The following TNIK variants were observed in gnomAD, a reference collection of about 807,000 sequenced individuals.
The protein encoded by TNIK is TRAF2 and NCK-interacting protein kinase.
Under a neutral mutation model 191.3 loss-of-function variants are expected in TNIK, and 49 were observed. That is an observed-to-expected ratio of 0.26 (90% confidence interval 0.20 to 0.32). The LOEUF (loss-of-function observed/expected upper bound fraction) is 0.32, where lower values mean the gene tolerates loss of function less well. TNIK is among the 10% of genes least tolerant of loss of function. The pLI, the probability that TNIK is intolerant of heterozygous loss-of-function variation, is 1.00. For missense variants in TNIK, 1,155 were observed against 1,702.3 expected, an observed-to-expected ratio of 0.68 and a Z score of 5.66; for synonymous variants, 594 against 600.9, an observed-to-expected ratio of 0.99 and a Z score of 0.17.
rs1166632926 is a variant in TNIK at position 171,061,824 on chromosome 3, A to G, written c.*2057T>C. 1 of 152,232 alleles carries G rather than the reference A, an allele frequency of 6.6e-6. No homozygotes were observed. The highest frequency in any genetic ancestry group is 1.5e-5 in the Non-Finnish European group (1 of 68,034). The allele number at this position is 152,232 out of a possible 1,614,324, so 9.4% of individuals were successfully genotyped here. A position where few individuals can be genotyped will look rare whatever the true frequency, so the allele number is the denominator to read the frequency against. ...TTTGTGGCATGGAATTTGAGAAGAT[A>G]GTATTGTTCAGCAGCACAACCACAG... is the stretch of plus-strand genomic sequence containing the variant. On this transcript the variant is annotated 3_prime_UTR_variant, in exon 33 of 33. Coordinates refer to ENST00000436636, the MANE Select transcript of TNIK (RefSeq NM_015028.4).
intron 16 of TNIK, among the ~76,000 whole-genome samples, chr3:171,126,780 T>C (rs1330932719): frequency 6.6e-6 from 1 of 152,258 alleles, no homozygotes; most frequent in Non-Finnish European, 1.5e-5. Flanking sequence ...TCTTACCATC[T>C]ATGCTGTCGT....
At chr3:171,089,211 G>A (rs1576775071) in intron 23 of TNIK, among the ~76,000 whole-genome samples, 2 of 152,286 alleles carry the variant, frequency 1.3e-5, no homozygotes, top group Admixed American at 6.5e-5. Context: ...TCCTGGAGAG[G>A]AACATTTTCT....
At chr3:171,393,660 T>C (rs943159022) in intron 1 of TNIK, among the ~76,000 whole-genome samples, 5 of 152,244 alleles carry the variant, frequency 3.3e-5, no homozygotes, top group Admixed American at 3.3e-4. Context: ...CCAAAATTCT[T>C]GCTATCAAGA....
intron 16 of TNIK, 118 bp downstream of exon 16, chr3:171,128,596 A>G (rs965907451): frequency 3.1e-6 from 4 of 1,279,076 alleles, no homozygotes; most frequent in African/African-American, 1.5e-5. Context: ...TAAATTCTAT[A>G]TTAAGGGTCA....
In TNIK at chr3:171,065,880, T is replaced by C. The variant is rs114620038; in HGVS notation, c.3999+307A>G. On this transcript the variant is annotated intron_variant, in intron 32 of 32. Transcript: ENST00000436636. ...AGTTGACCCACTGTGAGATGATTAA[T>C]GATGGGCCAACTGCTCTAAGTGCTT... 4.1e-3 allele frequency among the ~76,000 whole-genome samples: 619 copies of C among 152,342 alleles called. 9 individuals carry two copies. The highest frequency in any genetic ancestry group is 0.014 in the African/African-American group (587 of 41,584).
At chr3:171,444,748 C>G (rs1348481696) in intron 1 of TNIK, among the ~76,000 whole-genome samples, 2 of 152,112 alleles carry the variant, frequency 1.3e-5, no homozygotes, top group African/African-American at 4.8e-5. Flanking sequence ...AGAATGTGTA[C>G]TGTCCACAAT....
chr3:171,280,462 T>C (rs1469339913), intron 2 of TNIK, among the ~76,000 whole-genome samples: 3 of 152,208 alleles, frequency 2.0e-5, no homozygotes, highest in Non-Finnish European at 4.4e-5. Flanking sequence ...AGACAATATT[T>C]ACAGCTCATA....
At chr3:171,268,193 C>T (rs771199576) in intron 2 of TNIK, among the ~76,000 whole-genome samples, 24 of 152,178 alleles carry the variant, frequency 1.6e-4, no homozygotes, top group South Asian at 4.1e-4. Flanking sequence ...TCTTCTAAAT[C>T]CTCTTCCCAA....
At chr3:171,210,334 A>G (rs1473649468) in intron 4 of TNIK, among the ~76,000 whole-genome samples, 1 of 152,228 alleles carries the variant, frequency 6.6e-6, no homozygotes, top group Non-Finnish European at 1.5e-5. Flanking sequence ...CAGCATTATA[A>G]TCTTGCTGAA....
chr3:171,411,719 C>T (rs1035446783), intron 1 of TNIK, among the ~76,000 whole-genome samples: 1 of 152,176 alleles, frequency 6.6e-6, no homozygotes, highest in Non-Finnish European at 1.5e-5. Context: ...GAAATCAATA[C>T]TACTAGTACC....
intron 31 of TNIK, 111 bp from the exon 32 acceptor site, chr3:171,066,437 CA>C: frequency 6.6e-7 from 1 of 1,508,556 alleles, no homozygotes. Flanking sequence ...GATAAATGGA[CA>C]AAGCAAGTCT....
At chr3:171,122,347 G>A (rs930278568) in intron 18 of TNIK, among the ~76,000 whole-genome samples, 7 of 152,174 alleles carry the variant, frequency 4.6e-5, no homozygotes, top group South Asian at 2.1e-4. Context: ...TCAGGCTGGC[G>A]ATCCAGCACT....
chr3:171,279,794 G>T (rs920369875), intron 2 of TNIK, among the ~76,000 whole-genome samples: 3 of 152,142 alleles, frequency 2.0e-5, no homozygotes, highest in African/African-American at 7.2e-5. Context: ...CCATTTTGCA[G>T]ATGAGATGAA....
Position 171,126,143 on chromosome 3 carries a change from A to G in TNIK, c.1782T>C (p.His594=), listed in dbSNP as rs747125968. The change falls in exon 17 of 33, where the codon CAT becomes CAC. Residue 594 remains histidine (H), a synonymous_variant. Transcript: ENST00000436636. The stretch of plus-strand genomic sequence containing the variant: ...GTCCCTGGGATTTTACAGCTACCAG[A>G]TGTGGGATCTAAGCATCAAAACAAC... The part of the protein sequence containing the change: ...MLRPVDPQIP[H]LVAVKSQGPA... The G allele has an allele frequency of 5.2e-6, 8 of 1,536,764 alleles. No individual in the cohort carries two copies. The East Asian group carries it at 1.8e-4, about 35-fold the overall frequency.
In TNIK at chr3:171,161,296, C is replaced by T. The variant is rs771595026; in HGVS notation, c.990G>A (p.Glu330=). The part of the protein sequence containing the change: ...EYEYSGSEEE[E]EENDSGEPSS... ...TGGGCTCTCCTGAGTCATTCTCCTCCTCTTCTTCCTCACTTCCACTGTACT... is the reference window on the plus strand; with the variant it reads ...TGGGCTCTCCTGAGTCATTCTCCTCTTCTTCTTCCTCACTTCCACTGTACT... Residue 330 remains glutamate, a synonymous_variant, in exon 11 of 33, where the codon GAG becomes GAA. Transcript: ENST00000436636. 6.8e-6 allele frequency: 11 copies of T among 1,613,316 alleles called. No homozygotes were observed. In the South Asian group the frequency reaches 1.1e-4, roughly 16 times the overall value.
intron 2 of TNIK, among the ~76,000 whole-genome samples, chr3:171,260,084 C>A (rs1386835116): frequency 2.0e-5 from 3 of 152,126 alleles, no homozygotes; most frequent in Non-Finnish European, 4.4e-5. Flanking sequence ...TCCCTGTTAT[C>A]TGATTATGTT....
chr3:171,139,378 G>GCGCACACA (rs35492114), intron 14 of TNIK, 92 bp downstream of exon 14: 681 of 692,768 alleles, frequency 9.8e-4, no homozygotes, highest in South Asian at 4.2e-3. Context: ...ACGCACGCGC[G>GCGCACACA]CACACACACA....
chr3:171,079,897 C>G (rs1017924121), intron 27 of TNIK, among the ~76,000 whole-genome samples: 1 of 152,176 alleles, frequency 6.6e-6, no homozygotes, highest in African/African-American at 2.4e-5. Flanking sequence ...CAGGTGGTTT[C>G]TTATTTGAGC....
intron 2 of TNIK, among the ~76,000 whole-genome samples, chr3:171,346,175 T>C (rs1207019067): frequency 6.6e-6 from 1 of 152,182 alleles, no homozygotes; most frequent in African/African-American, 2.4e-5. Flanking sequence ...AGAAGGGCAC[T>C]GCAGTCAGAC....
Sources: gnomAD v4.1 joint callset for allele counts (sites outside exome capture counted in the v4.1 genomes callset) on GRCh38, gnomAD v4.1.1 for gene constraint, MANE v1.5 for transcripts, NCBI Gene and HGNC (gene_info 2026-07-23, HGNC 2026-07-21) for gene names.